The following TRMT9B variants were observed in gnomAD, a reference collection of about 807,000 sequenced individuals.
TRMT9B encodes probable tRNA methyltransferase 9B.
A neutral mutation model predicts 11.5 loss-of-function variants in TRMT9B; 16 were observed. The observed-to-expected ratio is 1.39, with a 90% CI of 0.94 to 2.11. The LOEUF (loss-of-function observed/expected upper bound fraction) is 2.11. TRMT9B is among the 30% of genes most tolerant of loss of function. TRMT9B has a pLI of 0.00. For missense variants in TRMT9B, 941 were observed against 553.8 expected, an observed-to-expected ratio of 1.70 and a Z score of -7.02; for synonymous variants, 274 against 192.4, an observed-to-expected ratio of 1.42 and a Z score of -3.51.
At chr8:13,020,125 G>C (rs911271619) in intron 4 of TRMT9B, among the ~76,000 whole-genome samples, 1 of 152,108 alleles carries the variant, frequency 6.6e-6, no homozygotes, top group Non-Finnish European at 1.5e-5. Flanking sequence ...TTGACCCTTA[G>C]AGCAACCCTC....
At chr8:12,989,743 C>T (rs1019782651) in intron 1 of TRMT9B, among the ~76,000 whole-genome samples, 2 of 152,212 alleles carry the variant, frequency 1.3e-5, no homozygotes, top group African/African-American at 4.8e-5. Flanking sequence ...ACTCAGTTAG[C>T]AAACATCATC....
rs1324095055 is a variant in TRMT9B, at chr8:13,024,119, C to T, written c.*2075C>T. The T allele has an allele frequency of 6.8e-6, 1 of 147,100 alleles. No individual in the cohort carries two copies. 9.1% of individuals were successfully genotyped at this position (147,100 alleles called of 1,614,324 possible). A position where few individuals can be genotyped will look rare whatever the true frequency, so the allele number is the denominator to read the frequency against. ...AGTGCACTGGCGCGATCTCGGCTCA[C>T]TGTAAGCTCCGCCTCCCGGGTTCAC... is the stretch of plus-strand genomic sequence containing the variant. On this transcript the variant is annotated 3_prime_UTR_variant, in exon 5 of 5. Coordinates refer to ENST00000524591, the MANE Select transcript of TRMT9B (RefSeq NM_020844.3).
chr8:12,982,055 G>T (rs1458306511), intron 1 of TRMT9B, among the ~76,000 whole-genome samples: 1 of 152,092 alleles, frequency 6.6e-6, no homozygotes, highest in African/African-American at 2.4e-5. Context: ...GTAAATAGTA[G>T]GCTTTACAAT....
rs1452637988 is a variant in TRMT9B, at chr8:13,023,925, C to T, written c.*1881C>T. On this transcript the variant is annotated 3_prime_UTR_variant, in exon 5 of 5. Transcript: ENST00000524591. ...TCACCATTTTGGTAGATGAGGTTGT[C>T]TGGTGAAAATGATGCATATGAGTTG... 6.0e-6 allele frequency: 1 copy of T among 166,468 alleles called. No individual in the cohort carries two copies. Among genetic ancestry groups the T allele is most frequent in the Non-Finnish European group, 1.5e-5 (1 of 68,056 alleles). The allele number at this position is 166,468 out of a possible 1,614,324, so 10.3% of individuals were successfully genotyped here.
chr8:12,973,400 C>T (rs1278785104), intron 1 of TRMT9B, among the ~76,000 whole-genome samples: 3 of 152,128 alleles, frequency 2.0e-5, no homozygotes, highest in Non-Finnish European at 4.4e-5. Flanking sequence ...TGGATATGTG[C>T]CACTGCAGAT....
At chr8:12,956,022 T>C (rs1223949259) in intron 1 of TRMT9B, among the ~76,000 whole-genome samples, 24 of 152,178 alleles carry the variant, frequency 1.6e-4, no homozygotes, top group Admixed American at 1.6e-3. Flanking sequence ...TGACTGAACA[T>C]TGCTACCAAC....
At chr8:13,009,505 G>T (rs1811184132) in intron 3 of TRMT9B, among the ~76,000 whole-genome samples, 1 of 152,100 alleles carries the variant, frequency 6.6e-6, no homozygotes, top group Non-Finnish European at 1.5e-5. Context: ...CCAGTCCCTG[G>T]CGCCAAGCAA....
Position 12,991,324 on chromosome 8 carries a change from T to C in TRMT9B, c.-2+293T>C, listed in dbSNP as rs377305986. Among the ~76,000 whole-genome samples, 8 of 152,330 alleles carry C rather than the reference T, an allele frequency of 5.3e-5. No individual in the cohort carries two copies. In the East Asian group the frequency reaches 1.2e-3, roughly 22 times the overall value. On this transcript the variant is annotated intron_variant, in intron 2 of 4. Transcript: ENST00000524591. The stretch of plus-strand genomic sequence containing the variant: ...TTTTATCACACAAAAGTTTACAATA[T>C]CATTTGTACTTGGAAATGATATATA...
rs903004687 is a variant in TRMT9B, at chr8:13,024,274, A to T, written c.*2230A>T. ...TAGCCAGGATGGTCTCGATCTCCTG[A>T]CGTCGTGATCCACCCGCCTCGGCCC... is the stretch of plus-strand genomic sequence containing the variant. On this transcript the variant is annotated 3_prime_UTR_variant, in exon 5 of 5. Coordinates refer to ENST00000524591, the MANE Select transcript of TRMT9B (RefSeq NM_020844.3). The T allele has an allele frequency of 6.3e-6, 1 of 159,726 alleles. No homozygotes were observed. Among genetic ancestry groups the T allele is most frequent in the African/African-American group, 2.4e-5 (1 of 41,370 alleles). The allele number at this position is 159,726 out of a possible 1,614,324, so 9.9% of individuals were successfully genotyped here. A position where few individuals can be genotyped will look rare whatever the true frequency, so the allele number is the denominator to read the frequency against.
At chr8:12,974,037 G>C (rs1804043085) in intron 1 of TRMT9B, among the ~76,000 whole-genome samples, 1 of 151,932 alleles carries the variant, frequency 6.6e-6, no homozygotes, top group Non-Finnish European at 1.5e-5. Context: ...TAGGCATAGT[G>C]GCAAGCACTT....
Position 13,022,241 on chromosome 8 carries a change from G to C in TRMT9B, c.*197G>C, listed in dbSNP as rs1282143982. The C allele has an allele frequency of 9.8e-6, 5 of 512,258 alleles. No homozygotes were observed. The highest frequency in any genetic ancestry group is 1.8e-5 in the Non-Finnish European group (5 of 285,416). 31.7% of individuals were successfully genotyped at this position (512,258 alleles called of 1,614,324 possible). A position where few individuals can be genotyped will look rare whatever the true frequency, so the allele number is the denominator to read the frequency against. On this transcript the variant is annotated 3_prime_UTR_variant, in exon 5 of 5. Transcript: ENST00000524591. The stretch of plus-strand genomic sequence containing the variant: ...TCTGGCATTGAAAGCACTTGACAAA[G>C]GGTATTTGTGCTTAAATGTTAATAT...
chr8:12,999,169 C>T (rs758528184), intron 2 of TRMT9B, among the ~76,000 whole-genome samples: 11 of 151,754 alleles, frequency 7.2e-5, no homozygotes, highest in South Asian at 2.1e-4. Context: ...CATGGTGGTA[C>T]GTGCCTATAA....
At chr8:12,980,044 C>CTAG (rs1805103719) in intron 1 of TRMT9B, among the ~76,000 whole-genome samples, 1 of 152,270 alleles carries the variant, frequency 6.6e-6, no homozygotes, top group East Asian at 1.9e-4. Context: ...TTGATTGAAT[C>CTAG]TAGGTCATAG....
chr8:12,994,809 G>A (rs1334405782), intron 2 of TRMT9B, among the ~76,000 whole-genome samples: 1 of 152,162 alleles, frequency 6.6e-6, no homozygotes, highest in Non-Finnish European at 1.5e-5. Flanking sequence ...AGCCTCCTGA[G>A]TACCTAGGAT....
intron 3 of TRMT9B, chr8:13,012,427 T>A: frequency 2.2e-6 from 1 of 452,720 alleles, no homozygotes; most frequent in Non-Finnish European, 3.1e-6. Context: ...AATACAAAAT[T>A]ATCCGGTCAT....
intron 2 of TRMT9B, among the ~76,000 whole-genome samples, chr8:12,998,182 T>G (rs1300397666): frequency 6.6e-6 from 1 of 152,238 alleles, no homozygotes. Flanking sequence ...TTCTTCACAC[T>G]CTGGGTTGAA....
At chr8:13,010,735 C>G in intron 3 of TRMT9B, 1 of 984,382 alleles carries the variant, frequency 1.0e-6, no homozygotes, top group South Asian at 4.7e-5. Flanking sequence ...TAAAGTATCC[C>G]TCGAGCCAAT....
intron 3 of TRMT9B, among the ~76,000 whole-genome samples, chr8:13,009,895 T>C (rs2947394): frequency 1 from 152,224 of 152,252 alleles, 76,098 homozygotes; most frequent in Middle Eastern, 1. Context: ...TTGGGAGGTG[T>C]GGCGGGCAGA....
intron 1 of TRMT9B, chr8:12,959,812 A>C (rs1801843866): frequency 6.6e-6 from 1 of 152,150 alleles, no homozygotes; most frequent in East Asian, 1.9e-4. Flanking sequence ...TACAAACGTG[A>C]GCCACCATGC....
Sources: allele counts gnomAD v4.1 joint callset (sites outside exome capture counted in the v4.1 genomes callset), GRCh38; gene constraint gnomAD v4.1.1; transcripts MANE v1.5; gene names NCBI Gene and HGNC (gene_info 2026-07-23, HGNC 2026-07-21).